EHD4: variants seen among roughly 807,000 people sequenced by gnomAD.
EHD4 encodes the protein EH domain-containing protein 4.
Under a neutral mutation model 51.0 loss-of-function variants are expected in EHD4, and 37 were observed. The ratio of observed to expected loss-of-function variants is 0.73; its 90% CI spans 0.56 to 0.95. The LOEUF (loss-of-function observed/expected upper bound fraction) is 0.95. EHD4 is among the 40% of genes least tolerant of loss of function. The pLI is 0.00. For missense variants in EHD4, 632 were observed against 733.1 expected (o/e 0.86, Z 1.59); for synonymous variants, 297 against 317.3 (o/e 0.94, Z 0.68).
chr15:41,962,839 T>G (rs918879723), intron 1 of EHD4, among the ~76,000 whole-genome samples: 12 of 152,136 alleles, frequency 7.9e-5, no homozygotes, highest in African/African-American at 2.9e-4. Context: ...GATGGCGGTT[T>G]TGTCGAATAG....
rs76586605 is a variant in EHD4, at chr15:41,898,160, C to T, written c.*2485G>A. 0.049 allele frequency: 7,459 copies of T among 151,790 alleles called. 278 individuals carry two copies. Among genetic ancestry groups the T allele is most frequent in the Non-Finnish European group, 0.064 (4,320 of 67,888 alleles). The allele number at this position is 151,790 out of a possible 1,614,324, so 9.4% of individuals were successfully genotyped here. A position where few individuals can be genotyped will look rare whatever the true frequency, so the allele number is the denominator to read the frequency against. The stretch of plus-strand genomic sequence containing the variant: ...ATGATTTCCTTTTTTTTTCCTTTCT[C>T]TCCAAGAACATTACCAGGTGCCAGC... On this transcript the variant is annotated 3_prime_UTR_variant, in exon 6 of 6. Transcript: ENST00000220325.
chr15:41,929,010 C>T (rs1003925239), intron 3 of EHD4: 5 of 152,232 alleles, frequency 3.3e-5, no homozygotes, highest in Non-Finnish European at 7.3e-5. Context: ...GAGTTCACCT[C>T]GAACCTTTCA....
intron 5 of EHD4, among the ~76,000 whole-genome samples, chr15:41,906,556 T>C (rs572015562): frequency 3.1e-4 from 47 of 152,370 alleles, no homozygotes; most frequent in African/African-American, 1.1e-3. Flanking sequence ...ACTGGCCCTC[T>C]GCCCTCACCA....
chr15:41,913,352 C>A (rs1278206571), intron 4 of EHD4, among the ~76,000 whole-genome samples: 2 of 152,182 alleles, frequency 1.3e-5, no homozygotes, highest in East Asian at 1.9e-4. Flanking sequence ...GAGGTGGAAA[C>A]ACTTGGGTCT....
At chr15:41,913,020 G>A (rs1261419696) in intron 4 of EHD4, among the ~76,000 whole-genome samples, 1 of 152,216 alleles carries the variant, frequency 6.6e-6, no homozygotes, top group African/African-American at 2.4e-5. Flanking sequence ...ACTTTGATCT[G>A]AGGTTTGACT....
At chr15:41,932,861 C>T (rs1414910265) in intron 3 of EHD4, among the ~76,000 whole-genome samples, 2 of 152,208 alleles carry the variant, frequency 1.3e-5, no homozygotes, top group African/African-American at 4.8e-5. Flanking sequence ...CCATCCTCTG[C>T]CCTCCCCTGG....
At chr15:41,942,971 G>A in intron 3 of EHD4, 96 bp downstream of exon 3, 1 of 1,217,202 alleles carries the variant, frequency 8.2e-7, no homozygotes, top group Non-Finnish European at 1.2e-6. Context: ...CTGTCCTGGA[G>A]GACGGATAGA....
intron 2 of EHD4, among the ~76,000 whole-genome samples, chr15:41,952,066 G>A (rs2067855553): frequency 6.6e-6 from 1 of 152,238 alleles, no homozygotes; most frequent in Non-Finnish European, 1.5e-5. Flanking sequence ...AGCCCCTAAT[G>A]GAGAATTCAG....
At chr15:41,951,792 G>T (rs1386138076) in intron 2 of EHD4, among the ~76,000 whole-genome samples, 3 of 152,138 alleles carry the variant, frequency 2.0e-5, no homozygotes, top group African/African-American at 7.2e-5. Context: ...ACCCTCTGGG[G>T]TTCTCCCGCC....
At chr15:41,919,187 G>C (rs772495218) in intron 4 of EHD4, 23 bp downstream of exon 4, 17 of 1,612,564 alleles carry the variant, frequency 1.1e-5, no homozygotes, top group Non-Finnish European at 1.4e-5. Context: ...CCTGGCCTCT[G>C]TGCAAGGCAT....
chr15:41,937,816 G>C (rs1455140600), intron 3 of EHD4, among the ~76,000 whole-genome samples: 1 of 152,138 alleles, frequency 6.6e-6, no homozygotes, highest in African/African-American at 2.4e-5. Flanking sequence ...TCACAGCTTG[G>C]ATGTCCAGGC....
In EHD4 at chr15:41,901,066, T is replaced by C; in HGVS notation, c.1205A>G (p.Gln402Arg). 1.2e-6 allele frequency: 2 copies of C among 1,613,222 alleles called. No homozygotes were observed. The highest frequency in any genetic ancestry group is 2.2e-5 in the South Asian group (2 of 90,948). The change falls in exon 6 of 6, where the codon CAG becomes CGG. Residue 402 changes from glutamine to arginine, a missense_variant. Gln to Arg is a conservative substitution (Grantham distance 43). Coordinates refer to ENST00000220325, the MANE Select transcript of EHD4 (RefSeq NM_139265.4). ...KISPLMNLIS[Q>R]EETSTPTQLV... ...CTGCGTGGGCGTGCTCGTCTCCTCCTGGCTGATGAGGTTCATGAGGGGCGA... is the reference window on the plus strand; with the variant it reads ...CTGCGTGGGCGTGCTCGTCTCCTCCCGGCTGATGAGGTTCATGAGGGGCGA...
intron 3 of EHD4, among the ~76,000 whole-genome samples, chr15:41,932,987 T>A (rs533690888): frequency 6.6e-6 from 1 of 152,322 alleles, no homozygotes; most frequent in African/African-American, 2.4e-5. Flanking sequence ...TTAATCATGA[T>A]CCATGTTAAA....
chr15:41,956,961 TA>T (rs559412673), intron 1 of EHD4, among the ~76,000 whole-genome samples: 26 of 152,294 alleles, frequency 1.7e-4, no homozygotes, highest in African/African-American at 6.3e-4. Context: ...TAAACACCCT[TA>T]TATATGTTGG....
intron 5 of EHD4, among the ~76,000 whole-genome samples, chr15:41,906,150 G>C (rs1459920754): frequency 6.6e-6 from 1 of 152,202 alleles, no homozygotes; most frequent in African/African-American, 2.4e-5. Context: ...ACTGGATTGA[G>C]AACCTGTCTT....
chr15:41,916,446 A>T lies in EHD4; in HGVS notation c.924+2764T>A, dbSNP rs77739682. Among the ~76,000 whole-genome samples the T allele has an allele frequency of 7.5e-3, 1,137 of 152,368 alleles. 20 individuals are homozygous for T. Among genetic ancestry groups the T allele is most frequent in the African/African-American group, 0.026 (1,081 of 41,586 alleles). ...TGAGGACAAAAATGCCCAACTGTGT[A>T]GTTGTCAACAGGATCAAACAAAAAA... is the stretch of plus-strand genomic sequence containing the variant. On this transcript the variant is annotated intron_variant, in intron 4 of 5. Coordinates refer to ENST00000220325, the MANE Select transcript of EHD4 (RefSeq NM_139265.4).
intron 4 of EHD4, among the ~76,000 whole-genome samples, chr15:41,914,785 ATT>A (rs10713712): frequency 0.02 from 2,583 of 126,442 alleles, 59 homozygotes; most frequent in African/African-American, 0.058. Flanking sequence ...TTACAGGAGA[ATT>A]TTTTTTTTTT....
chr15:41,903,982 CCAA>C (rs1399001663), intron 5 of EHD4, among the ~76,000 whole-genome samples: 1 of 151,810 alleles, frequency 6.6e-6, no homozygotes, highest in Non-Finnish European at 1.5e-5. Context: ...GCTCCTGCCA[CCAA>C]CATCTCAATG....
At chr15:41,943,381 C>T (rs2067789723) in intron 2 of EHD4, among the ~76,000 whole-genome samples, 4 of 152,172 alleles carry the variant, frequency 2.6e-5, no homozygotes, top group Admixed American at 1.3e-4. Flanking sequence ...CAGATGCTGG[C>T]CCATGGGACA....
Sources: allele counts gnomAD v4.1 joint callset (sites outside exome capture counted in the v4.1 genomes callset), GRCh38; gene constraint gnomAD v4.1.1; transcripts MANE v1.5; gene names NCBI Gene and HGNC (gene_info 2026-07-23, HGNC 2026-07-21).